NKAP: variants seen among roughly 807,000 people sequenced by gnomAD.
NKAP encodes the protein NF-kappa-B-activating protein.
Under a neutral mutation model 35.6 loss-of-function variants are expected in NKAP, and 4 were observed. The observed-to-expected ratio is 0.11, with a 90% CI of 0.06 to 0.26. The LOEUF is 0.26. Among genes scored for constraint, NKAP ranks in the 10% least tolerant of loss-of-function variants. The pLI, the probability that NKAP is intolerant of heterozygous loss-of-function variation, is 1.00. For missense variants in NKAP, 238 were observed against 321.9 expected (o/e 0.74, Z 1.99); for synonymous variants, 106 against 119.2 (o/e 0.89, Z 0.72).
Position 119,943,556 on chromosome X carries a change from G to A in NKAP, c.50C>T (p.Ser17Leu). ...SRSPDREASG[S>L]GGRRRSSSKS... ...CGACGAACTGCGACGTCTTCCCCCC[G>A]AGCCCGAGGCCTCCCTATCCGGGCT... The change falls in exon 1 of 9, where the codon TCG (serine) becomes TTG (leucine). Residue 17 changes from serine (S) to leucine (L), a missense_variant. Physicochemically the swap from Ser to Leu is moderately radical, Grantham distance 145. Around this residue, in one of 5 missense-constraint regions of NKAP, gnomAD observed 123 missense variants for 115.3 expected, o/e 1.07. Coordinates refer to ENST00000371410, the MANE Select transcript of NKAP (RefSeq NM_024528.4). 3 of 1,202,111 alleles carry A rather than the reference G, an allele frequency of 2.5e-6. No homozygotes were observed. The highest frequency in any genetic ancestry group is 1.7e-5 in the African/African-American group (1 of 57,726).
At chrX:119,931,251 C>T (rs1340698670) in intron 7 of NKAP, among the ~76,000 whole-genome samples, 1 of 111,754 alleles carries the variant, frequency 8.9e-6, no homozygotes, top group Non-Finnish European at 1.9e-5. Context: ...CGCCTGTAAT[C>T]CCAGCACTTT....
chrX:119,928,155 G>A (rs1163485127), intron 8 of NKAP, among the ~76,000 whole-genome samples: 2 of 112,096 alleles, frequency 1.8e-5, no homozygotes, highest in Non-Finnish European at 3.8e-5. Flanking sequence ...GGCATCTTTT[G>A]TTAAGATTTA....
In NKAP at chrX:119,921,361, C is replaced by G. The variant is rs992073666; in HGVS notation, c.*3859G>C. On this transcript the variant is annotated 3_prime_UTR_variant, in exon 9 of 9. Coordinates refer to ENST00000371410, the MANE Select transcript of NKAP (RefSeq NM_024528.4). ...TCTGAGTGATTACTTACAAGTACAT[C>G]AGAATATTTACTTACATAGAAAAGC... The G allele has an allele frequency of 9.1e-6, 1 of 110,026 alleles. No individual in the cohort carries two copies. The highest frequency in any genetic ancestry group is 3.3e-5 in the African/African-American group (1 of 30,371). 9.1% of individuals were successfully genotyped at this position (110,026 alleles called of 1,213,427 possible).
intron 1 of NKAP, among the ~76,000 whole-genome samples, chrX:119,940,162 C>A (rs1805319263): frequency 1.8e-5 from 2 of 109,962 alleles, no homozygotes; most frequent in South Asian, 7.7e-4. Context: ...ATGGTAAAAC[C>A]CTGTCTCTAC....
intron 4 of NKAP, among the ~76,000 whole-genome samples, chrX:119,934,775 A>G (rs41312745): frequency 0.099 from 10,886 of 110,483 alleles, 623 homozygotes; most frequent in African/African-American, 0.22. Context: ...ATTATTATTA[A>G]TTTTATTGTG....
chrX:119,943,049 A>G (rs1217615645), intron 1 of NKAP, 171 bp downstream of exon 1: 1 of 624,871 alleles, frequency 1.6e-6, no homozygotes, highest in Admixed American at 3.6e-5. Context: ...GTAAGGGAAA[A>G]TGAAAAGGAC....
chrX:119,938,497 T>C (rs1181400994), intron 2 of NKAP, among the ~76,000 whole-genome samples: 2 of 112,142 alleles, frequency 1.8e-5, no homozygotes, highest in African/African-American at 6.5e-5. Flanking sequence ...CTTCTATTAA[T>C]AGGAAAATTA....
chrX:119,934,430 CA>C (rs369386190), intron 5 of NKAP, 63 bp downstream of exon 5: 9,556 of 176,983 alleles, frequency 0.054, no homozygotes, highest in East Asian at 0.063. Flanking sequence ...GACTCTGTCT[CA>C]AAAAAAAAAA....
In NKAP at chrX:119,921,418, C is replaced by T. The variant is rs1290161673; in HGVS notation, c.*3802G>A. 9.2e-6 allele frequency: 1 copy of T among 109,122 alleles called. No individual in the cohort carries two copies. The highest frequency in any genetic ancestry group is 1.9e-5 in the Non-Finnish European group (1 of 52,581). The allele number at this position is 109,122 out of a possible 1,213,427, so 9.0% of individuals were successfully genotyped here. On this transcript the variant is annotated 3_prime_UTR_variant, in exon 9 of 9. Transcript: ENST00000371410. ...AAGGAGGAACACAAAATATGAAAGA[C>T]AATTGATATGGTACTGAAATTTTTC...
intron 5 of NKAP, 170 bp from the exon 6 acceptor site, chrX:119,932,386 A>G (rs1397622788): frequency 5.8e-5 from 21 of 362,421 alleles, no homozygotes; most frequent in Non-Finnish European, 7.0e-5. Flanking sequence ...TCAAACTTAC[A>G]AGATAATTTT....
Position 119,943,727 on chromosome X carries a change from T to C in NKAP, c.-122A>G. On this transcript the variant is annotated 5_prime_UTR_variant, in exon 1 of 9. Coordinates refer to ENST00000371410, the MANE Select transcript of NKAP (RefSeq NM_024528.4). ...GAACAGCCCAAATCTGAGGAAACCTTGGACACAGTTCTGGGTACTTCTGCA... is the reference window on the plus strand; with the variant it reads ...GAACAGCCCAAATCTGAGGAAACCTCGGACACAGTTCTGGGTACTTCTGCA... The C allele has an allele frequency of 1.2e-6, 1 of 849,024 alleles. No homozygotes were observed. Among genetic ancestry groups the C allele is most frequent in the East Asian group, 3.4e-5 (1 of 29,103 alleles). The allele number at this position is 849,024 out of a possible 1,213,427, so 70.0% of individuals were successfully genotyped here. A position where few individuals can be genotyped will look rare whatever the true frequency, so the allele number is the denominator to read the frequency against.
At chrX:119,929,157 A>C (rs756452234) in intron 8 of NKAP, among the ~76,000 whole-genome samples, 2 of 111,558 alleles carry the variant, frequency 1.8e-5, no homozygotes, top group South Asian at 7.5e-4. Flanking sequence ...TGGCCTCCCA[A>C]AGTGCTGGGA....
chrX:119,929,106 G>C (rs1015597300), intron 8 of NKAP, among the ~76,000 whole-genome samples: 14 of 110,748 alleles, frequency 1.3e-4, no homozygotes, highest in African/African-American at 4.6e-4. Context: ...ATGTTGCCCA[G>C]GCTAGTCTTG....
intron 1 of NKAP, 79 bp from the exon 2 acceptor site, chrX:119,938,889 T>C (rs1368719150): frequency 2.8e-6 from 2 of 717,089 alleles, no homozygotes; most frequent in Non-Finnish European, 2.1e-6. Context: ...AATAGGAGTC[T>C]AGTTAAGCCT....
chrX:119,925,929 CTTTTTTTTTTTTTTTTAATT>C (rs2056709650), intron 8 of NKAP, among the ~76,000 whole-genome samples: 1 of 46,436 alleles, frequency 2.2e-5, no homozygotes, highest in Non-Finnish European at 3.9e-5. Flanking sequence ...ATCCTTTTTT[CTTTTTTTTTTTTTTTTAATT>C]TTTTTTTTTT....
chrX:119,927,061 C>CAAA lies in NKAP; in HGVS notation c.1074-1670_1074-1668dup, dbSNP rs757523569. Among the ~76,000 whole-genome samples the CAAA allele has an allele frequency of 5.1e-3, 170 of 33,198 alleles. 5 individuals carry two copies. The highest frequency in any genetic ancestry group is 0.015 in the African/African-American group (126 of 8,413). The allele number at this position is 33,198 out of a possible 115,157, so 28.8% of individuals were successfully genotyped here. A position where few individuals can be genotyped will look rare whatever the true frequency, so the allele number is the denominator to read the frequency against. The stretch of plus-strand genomic sequence containing the variant: ...GGGAGACAAGAGTGAAACTAGGTCT[C>CAAA]AAAAAAAAAAAAAAAAAAAAAAGAA... On this transcript the variant is annotated intron_variant, in intron 8 of 8. Coordinates refer to ENST00000371410, the MANE Select transcript of NKAP (RefSeq NM_024528.4).
chrX:119,938,606 C>T (rs1382011735), intron 2 of NKAP, 124 bp downstream of exon 2: 1 of 453,686 alleles, frequency 2.2e-6, no homozygotes, highest in Non-Finnish European at 3.6e-6. Flanking sequence ...GGTAGAAGAA[C>T]ATAAATCACA....
At chrX:119,931,428 C>G (rs1301635251) in intron 7 of NKAP, among the ~76,000 whole-genome samples, 1 of 107,661 alleles carries the variant, frequency 9.3e-6, no homozygotes, top group Non-Finnish European at 1.9e-5. Context: ...ATCGCTTGAA[C>G]CTGGGAGGCA....
At chrX:119,929,934 C>A in intron 8 of NKAP, 82 bp downstream of exon 8, 2 of 985,508 alleles carry the variant, frequency 2.0e-6, no homozygotes, top group South Asian at 5.0e-5. Context: ...TAATGAAAAT[C>A]AATTACCAAA....
Sources: allele counts gnomAD v4.1 joint callset (sites outside exome capture counted in the v4.1 genomes callset), GRCh38; gene constraint gnomAD v4.1.1; regional missense constraint gnomAD v4.1.1; transcripts MANE v1.5; gene names NCBI Gene and HGNC (gene_info 2026-07-23, HGNC 2026-07-21).